The following ROBO4 variants were observed in gnomAD, a reference collection of about 807,000 sequenced individuals.
ROBO4 encodes roundabout homolog 4.
A neutral mutation model predicts 103.3 loss-of-function variants in ROBO4; 80 were observed. The observed-to-expected ratio is 0.77, with a 90% CI of 0.65 to 0.93. ROBO4 has a LOEUF of 0.93. Among genes scored for constraint, ROBO4 ranks in the 40% least tolerant of loss-of-function variants. ROBO4 has a pLI of 0.00. For synonymous variants in ROBO4, 504 were observed against 529.7 expected, an observed-to-expected ratio of 0.95 and a Z score of 0.67; for missense variants, 1,333 against 1,305.3, an observed-to-expected ratio of 1.02 and a Z score of -0.33.
chr11:124,884,940 T>C (rs777664562), intron 17 of ROBO4, 27 bp from the exon 18 acceptor site: 13 of 1,614,158 alleles, frequency 8.1e-6, no homozygotes, highest in Admixed American at 1.7e-5. Context: ...TTATCTCCCT[T>C]GCTCCTTATC....
Position 124,886,764 on chromosome 11 carries a change from T to C in ROBO4, c.2494A>G (p.Ser832Gly). The C allele has an allele frequency of 6.4e-7, 1 of 1,567,684 alleles. No individual in the cohort carries two copies. Among genetic ancestry groups the C allele is most frequent in the Non-Finnish European group, 8.7e-7 (1 of 1,154,138 alleles). ...PSPPTTYGYI[S>G]VPTASEFTDM... ...GTGAACTCTGAGGCTGTTGGGACGC[T>C]GATGTACCCATAGGTGGTGGGGGGT... is the stretch of plus-strand genomic sequence containing the variant. The change falls in exon 16 of 18, where the codon AGC becomes GGC. Residue 832 changes from serine to glycine, a missense_variant. Coordinates refer to ENST00000306534, the MANE Select transcript of ROBO4 (RefSeq NM_019055.6).
chr11:124,896,072 C>T lies in ROBO4; in HGVS notation c.679+126G>A, dbSNP rs548887908. 19 of 1,515,120 alleles carry T rather than the reference C, an allele frequency of 1.3e-5. No individual in the cohort carries two copies. In the Admixed American group the frequency reaches 2.0e-4, roughly 16 times the overall value. 93.9% of individuals were successfully genotyped at this position (1,515,120 alleles called of 1,614,324 possible). ...TCTACTCTAGCAGGGGGGAACCTCC[C>T]GCTACGTGAGACCCCCAGCACTTTG... On this transcript the variant is annotated intron_variant, in intron 4 of 17. Coordinates refer to ENST00000306534, the MANE Select transcript of ROBO4 (RefSeq NM_019055.6).
At position 124,884,929 on chromosome 11, in the gene ROBO4, GTTATCTCCCTTGCTCC is replaced by G. The variant is rs1565320442; in HGVS notation, c.3002-32_3002-17del. On this transcript the variant is annotated splice_polypyrimidine_tract_variant and intron_variant, in intron 17 of 17. Transcript: ENST00000306534. Reference sequence around the variant, plus strand: ...ACAGGAGAAGCTGAAGGACAGTGGAGTTATCTCCCTTGCTCCTTATCTCCCTTCCCCAGTGCCAGGC... The same window carrying G: ...ACAGGAGAAGCTGAAGGACAGTGGAGTTATCTCCCTTCCCCAGTGCCAGGC... 3 of 1,614,058 alleles carry G rather than the reference GTTATCTCCCTTGCTCC, an allele frequency of 1.9e-6. No homozygotes were observed. Among genetic ancestry groups the G allele is most frequent in the South Asian group, 1.1e-5 (1 of 91,084 alleles).
chr11:124,892,155 G>A (rs1376892234), intron 10 of ROBO4: 4 of 465,720 alleles, frequency 8.6e-6, no homozygotes, highest in Non-Finnish European at 1.7e-5. Context: ...GTTGCACTTG[G>A]GTAAGTACAT....
Position 124,887,001 on chromosome 11 carries a change from A to T in ROBO4, c.2411T>A (p.Leu804His). 3 of 1,612,318 alleles carry T rather than the reference A, an allele frequency of 1.9e-6. No homozygotes were observed. The highest frequency in any genetic ancestry group is 2.2e-5 in the East Asian group (1 of 44,822). Residue 804 changes from leucine (L) to histidine (H), a missense_variant, in exon 15 of 18, where the codon CTC becomes CAC. Coordinates refer to ENST00000306534, the MANE Select transcript of ROBO4 (RefSeq NM_019055.6). ...CCTGGGAGTCTCCTCACCCTCACTG[A>T]GTTCCAAGCACAGGGCTACCTCCTC... The part of the protein sequence containing the change: ...TPEEVALCLE[L>H]SEGEETPRNS...
intron 7 of ROBO4, 103 bp downstream of exon 7, chr11:124,894,978 C>T (rs1316040136): frequency 4.5e-6 from 4 of 898,382 alleles, no homozygotes; most frequent in African/African-American, 1.7e-5. Context: ...TGCTTCTCTG[C>T]CCAGGTACCT....
At chr11:124,893,319 A>G (rs1445648467) in intron 10 of ROBO4, among the ~76,000 whole-genome samples, 2 of 152,210 alleles carry the variant, frequency 1.3e-5, no homozygotes, top group Admixed American at 1.3e-4. Flanking sequence ...GCTCAGTGAG[A>G]GAATTACTGA....
In ROBO4 at chr11:124,887,727, T is replaced by G. The variant is rs759538505; in HGVS notation, c.2056+6A>C. The G allele has an allele frequency of 6.2e-7, 1 of 1,613,300 alleles. No homozygotes were observed. Among genetic ancestry groups the G allele is most frequent in the South Asian group, 1.1e-5 (1 of 90,996 alleles). On this transcript the variant is annotated splice_donor_region_variant and intron_variant, in intron 13 of 17. Coordinates refer to ENST00000306534, the MANE Select transcript of ROBO4 (RefSeq NM_019055.6). ...CTTCACTTCCCTTTCAGGGACCCCC[T>G]CTCACCTGGGCTTTGGGAAAGGTTC...
At chr11:124,887,682 C>T (rs1368584986) in intron 13 of ROBO4, 51 bp downstream of exon 13, 2 of 1,579,918 alleles carry the variant, frequency 1.3e-6, no homozygotes, top group Non-Finnish European at 1.7e-6. Context: ...GCCCCTGCAT[C>T]CCTACACCCT....
chr11:124,887,632 G>A, intron 13 of ROBO4, 101 bp downstream of exon 13: 1 of 1,526,906 alleles, frequency 6.5e-7, no homozygotes, highest in Admixed American at 1.9e-5. Context: ...CCTCCTCAGG[G>A]AAAGGAGGAT....
rs374551433 is a variant in ROBO4, at chr11:124,895,452, C to T, written c.1036+5G>A. 1.2e-6 allele frequency: 2 copies of T among 1,608,520 alleles called. No individual in the cohort carries two copies. Among genetic ancestry groups the T allele is most frequent in the Non-Finnish European group, 1.7e-6 (2 of 1,179,746 alleles). On this transcript the variant is annotated splice_donor_5th_base_variant and intron_variant, in intron 6 of 17. Transcript: ENST00000306534. ...TGTTGGCTTCTGAAGGGATCAGGCCCTGACCTTTTTCCGGCAGCCTCAGGA... is the reference window on the plus strand; with the variant it reads ...TGTTGGCTTCTGAAGGGATCAGGCCTTGACCTTTTTCCGGCAGCCTCAGGA...
In ROBO4 at chr11:124,894,290, G is replaced by A. The variant is rs1946846242; in HGVS notation, c.1229C>T (p.Thr410Ile). 1 of 1,614,110 alleles carries A rather than the reference G, an allele frequency of 6.2e-7. No individual in the cohort carries two copies. Among genetic ancestry groups the A allele is most frequent in the South Asian group, 1.1e-5 (1 of 91,080 alleles). The change falls in exon 8 of 18, where the codon ACC becomes ATC. Residue 410 changes from threonine (T) to isoleucine (I), a missense_variant. Thr to Ile is a moderately conservative substitution (Grantham distance 89, BLOSUM62 -1). Transcript: ENST00000306534. ...VGEQTQLEIA[T>I]HMPGSYCVQV... is the part of the protein sequence containing the mutation. ...CACGCAGTAGGAGCCTGGCATATGG[G>A]TGGCGATTTCCAGCTGGGTCTGCTC...
Position 124,885,244 on chromosome 11 carries a change from G to A in ROBO4, c.2798C>T (p.Ala933Val), listed in dbSNP as rs760234719. The change falls in exon 17 of 18, where the codon GCC (alanine) becomes GTC (valine). Residue 933 changes from alanine to valine, a missense_variant. Physicochemically the swap from Ala to Val is moderately conservative, Grantham distance 64. Coordinates refer to ENST00000306534, the MANE Select transcript of ROBO4 (RefSeq NM_019055.6). ...PREADCVFID[A>V]SSPPSPRDEI... is the part of the protein sequence containing the mutation. ...ATCCCGTGGGGAGGGAGGTGATGAG[G>A]CATCTGTCAGGGAGGGTAGAGGTGT... 2 of 1,609,822 alleles carry A rather than the reference G, an allele frequency of 1.2e-6. No individual in the cohort carries two copies. Among genetic ancestry groups the A allele is most frequent in the South Asian group, 1.1e-5 (1 of 91,070 alleles).
At position 124,888,842 on chromosome 11, in the gene ROBO4, A is replaced by AT. The variant is rs1409703072; in HGVS notation, c.1949-1003dup. Among the ~76,000 whole-genome samples, 7 of 152,172 alleles carry AT rather than the reference A, an allele frequency of 4.6e-5. No individual in the cohort carries two copies. The East Asian group carries it at 1.3e-3, about 29-fold the overall frequency. ...AGGAATAGGGTAATACAGGAGAGAG[A>AT]TTTTTCCAGGAGCAGGAACCTGAAG... On this transcript the variant is annotated intron_variant, in intron 12 of 17. Transcript: ENST00000306534.
At position 124,893,951 on chromosome 11, in the gene ROBO4, A is replaced by G. The variant is rs1946839108; in HGVS notation, c.1413T>C (p.Ile471=). The stretch of plus-strand genomic sequence containing the variant: ...GCCAGAGTGCAACACCGCAGGTGGC[A>G]ATGACCTCAGGCCGCTTCAAGGTAG... The part of the protein sequence containing the change: ...LRATLKRPEV[I]ATCGVALWLL... Residue 471 remains isoleucine (I), a synonymous_variant, in exon 9 of 18, where the codon ATT becomes ATC. Transcript: ENST00000306534. 3.1e-6 allele frequency: 5 copies of G among 1,609,170 alleles called. No homozygotes were observed. The East Asian group carries it at 1.1e-4, about 36-fold the overall frequency.
rs939511460 is a variant in ROBO4 at position 124,897,630 on chromosome 11, C to A, written c.70+96G>T. On this transcript the variant is annotated intron_variant, in intron 1 of 17. Transcript: ENST00000306534. ...ATCCTCATCCTCATCTCTGGTCCCC[C>A]CACTGCAAAAGGGAAGCAGGCAGTC... 122 of 1,033,910 alleles carry A rather than the reference C, an allele frequency of 1.2e-4. No individual in the cohort carries two copies. The Admixed American group carries it at 2.1e-3, about 18-fold the overall frequency. The allele number at this position is 1,033,910 out of a possible 1,614,324, so 64.0% of individuals were successfully genotyped here. A position where few individuals can be genotyped will look rare whatever the true frequency, so the allele number is the denominator to read the frequency against.
At chr11:124,892,132 GGTAA>G (rs1946810195) in intron 10 of ROBO4, 1 of 525,664 alleles carries the variant, frequency 1.9e-6, no homozygotes, top group Admixed American at 2.3e-5. Flanking sequence ...GCTTAGCTTG[GGTAA>G]GTACATCTGT....
chr11:124,884,628 A>T lies in ROBO4; in HGVS notation c.*263T>A. 1 of 558,800 alleles carries T rather than the reference A, an allele frequency of 1.8e-6. No homozygotes were observed. Among genetic ancestry groups the T allele is most frequent in the South Asian group, 2.3e-5 (1 of 43,236 alleles). The allele number at this position is 558,800 out of a possible 1,614,324, so 34.6% of individuals were successfully genotyped here. On this transcript the variant is annotated 3_prime_UTR_variant, in exon 18 of 18. Coordinates refer to ENST00000306534, the MANE Select transcript of ROBO4 (RefSeq NM_019055.6). The stretch of plus-strand genomic sequence containing the variant: ...CAGGCCAAAACAACCTGGTGGTGGG[A>T]GTGGATGGCACAGAGGAGAAAGCAG...
At position 124,884,872 on chromosome 11, in the gene ROBO4, G is replaced by T. The variant is rs77138593; in HGVS notation, c.*19C>A. ...AGAAGTGGTTCTGATTCCCGTCTGG[G>T]AAGTCTCAGGGACACGGTTCAGGAG... On this transcript the variant is annotated 3_prime_UTR_variant, in exon 18 of 18. Transcript: ENST00000306534. The T allele has an allele frequency of 3.3e-4, 530 of 1,614,138 alleles. 11 individuals carry two copies. In the East Asian group the frequency reaches 8.6e-3, roughly 26 times the overall value.
Sources: gnomAD v4.1 joint callset for allele counts (sites outside exome capture counted in the v4.1 genomes callset) on GRCh38, gnomAD v4.1.1 for gene constraint, MANE v1.5 for transcripts, NCBI Gene and HGNC (gene_info 2026-07-23, HGNC 2026-07-21) for gene names.